CD247: variants seen among roughly 807,000 people sequenced by gnomAD.
CD247 encodes the protein CD247 molecule, also known as T-cell surface glycoprotein CD3 zeta chain.
Under a neutral mutation model 30.0 loss-of-function variants are expected in CD247, and 13 were observed. The observed-to-expected ratio is 0.43, with a 90% CI of 0.28 to 0.69. The LOEUF is 0.69. Among genes scored for constraint, CD247 ranks in the 30% least tolerant of loss-of-function variants. The pLI is 0.16. For synonymous variants in CD247, 72 were observed against 80.0 expected, an observed-to-expected ratio of 0.90 and a Z score of 0.53; for missense variants, 193 against 212.6, an observed-to-expected ratio of 0.91 and a Z score of 0.57.
chr1:167,488,438 G>T (rs1654306039), intron 1 of CD247, among the ~76,000 whole-genome samples: 1 of 152,164 alleles, frequency 6.6e-6, no homozygotes. Flanking sequence ...CAGAGTAGGG[G>T]GTCAATGGAT....
chr1:167,501,808 G>T (rs749812486), intron 1 of CD247, among the ~76,000 whole-genome samples: 2 of 152,188 alleles, frequency 1.3e-5, no homozygotes, highest in Non-Finnish European at 2.9e-5. Flanking sequence ...CTCTTCTCAG[G>T]GTCCGTATGC....
chr1:167,458,275 C>T (rs1297864096), intron 1 of CD247, among the ~76,000 whole-genome samples: 2 of 152,244 alleles, frequency 1.3e-5, no homozygotes, highest in East Asian at 3.8e-4. Context: ...TCCCTGCTGT[C>T]CCCACGTGCC....
intron 1 of CD247, among the ~76,000 whole-genome samples, chr1:167,458,925 C>A (rs1283907795): frequency 6.6e-6 from 1 of 151,260 alleles, no homozygotes; most frequent in Non-Finnish European, 1.5e-5. Context: ...GAGTTCGAGA[C>A]CAGCCTGGCC....
intron 1 of CD247, among the ~76,000 whole-genome samples, chr1:167,480,374 A>G (rs1246466258): frequency 6.6e-6 from 1 of 152,212 alleles, no homozygotes; most frequent in Non-Finnish European, 1.5e-5. Flanking sequence ...TAATACACCA[A>G]GAAAAACTGA....
At chr1:167,446,357 T>A (rs1450775789) in intron 1 of CD247, among the ~76,000 whole-genome samples, 1 of 152,140 alleles carries the variant, frequency 6.6e-6, no homozygotes, top group Non-Finnish European at 1.5e-5. Flanking sequence ...GCAAAGAACA[T>A]AATAAGTCTT....
chr1:167,475,555 TG>T (rs570697624), intron 1 of CD247, among the ~76,000 whole-genome samples: 1 of 152,206 alleles, frequency 6.6e-6, no homozygotes, highest in Non-Finnish European at 1.5e-5. Flanking sequence ...CAGTGGCTTT[TG>T]GTGTCACCAA....
chr1:167,465,078 C>G (rs1306281042), intron 1 of CD247, among the ~76,000 whole-genome samples: 1 of 152,132 alleles, frequency 6.6e-6, no homozygotes, highest in Non-Finnish European at 1.5e-5. Flanking sequence ...AATACTCAAT[C>G]TTCCTGTCCA....
intron 1 of CD247, among the ~76,000 whole-genome samples, chr1:167,443,431 G>A (rs1248172774): frequency 6.6e-6 from 1 of 152,202 alleles, no homozygotes; most frequent in Non-Finnish European, 1.5e-5. Flanking sequence ...AGGCCTCTGG[G>A]GGACAAGCCA....
chr1:167,444,996 G>A (rs1394500873), intron 1 of CD247, among the ~76,000 whole-genome samples: 1 of 151,664 alleles, frequency 6.6e-6, no homozygotes, highest in African/African-American at 2.4e-5. Flanking sequence ...CATGACCTCA[G>A]CTCACTGCAA....
Position 167,453,464 on chromosome 1 carries a change from T to C in CD247, c.59-12697A>G, listed in dbSNP as rs189189891. On this transcript the variant is annotated intron_variant, in intron 1 of 7. Coordinates refer to ENST00000362089, the MANE Select transcript of CD247 (RefSeq NM_198053.3). Reference sequence around the variant, plus strand: ...AAAAATCTACTTTCGAGCAAACCCCTTATGTCAAAATTCCAGGCAGTATTT... The same window carrying C: ...AAAAATCTACTTTCGAGCAAACCCCCTATGTCAAAATTCCAGGCAGTATTT... Among the ~76,000 whole-genome samples, 1,040 of 152,332 alleles carry C rather than the reference T, an allele frequency of 6.8e-3. 6 individuals are homozygous for C. Among genetic ancestry groups the C allele is most frequent in the Non-Finnish European group, 0.01 (693 of 68,022 alleles).
intron 1 of CD247, among the ~76,000 whole-genome samples, chr1:167,483,629 G>C (rs1654068436): frequency 6.6e-6 from 1 of 152,232 alleles, no homozygotes; most frequent in South Asian, 2.1e-4. Context: ...GGCTCAGAGA[G>C]ATTAACTTAC....
chr1:167,473,126 C>CA (rs1558014513), intron 1 of CD247, among the ~76,000 whole-genome samples: 4 of 150,960 alleles, frequency 2.6e-5, no homozygotes, highest in East Asian at 3.9e-4. Context: ...CACACACACA[C>CA]CCATCTGTAG....
chr1:167,498,273 T>C (rs1021626216), intron 1 of CD247, among the ~76,000 whole-genome samples: 2 of 152,224 alleles, frequency 1.3e-5, no homozygotes, highest in African/African-American at 2.4e-5. Context: ...CAACAATGCC[T>C]TGACATCCTT....
chr1:167,480,315 A>G (rs976542470), intron 1 of CD247, among the ~76,000 whole-genome samples: 1 of 152,206 alleles, frequency 6.6e-6, no homozygotes, highest in Non-Finnish European at 1.5e-5. Context: ...TAAAAAGAAT[A>G]GGGTTAATTT....
At chr1:167,502,045 C>T (rs1428765943) in intron 1 of CD247, among the ~76,000 whole-genome samples, 1 of 152,188 alleles carries the variant, frequency 6.6e-6, no homozygotes, top group Admixed American at 6.5e-5. Flanking sequence ...TTCCATCTTC[C>T]GGAGATAAGG....
intron 1 of CD247, among the ~76,000 whole-genome samples, chr1:167,471,819 TTCTG>T (rs1653537661): frequency 6.7e-6 from 1 of 149,976 alleles, no homozygotes; most frequent in Non-Finnish European, 1.5e-5. Context: ...TTTTTTTTCT[TTCTG>T]TTTCTTTCTT....
chr1:167,431,681 T>C lies in CD247; in HGVS notation c.495A>G (p.Ter165=). 6.2e-7 allele frequency: 1 copy of C among 1,612,896 alleles called. No homozygotes were observed. Among genetic ancestry groups the C allele is most frequent in the South Asian group, 1.1e-5 (1 of 91,052 alleles). ...ALHMQALPPR[*] ...TTTGAGTGGTGAAATCCCCTGGCTG[T>C]TAGCGAGGGGGCAGGGCCTGCATGT... Residue 165 remains the stop codon, a stop_retained_variant, in exon 8 of 8, where the codon TAA becomes TAG. Coordinates refer to ENST00000362089, the MANE Select transcript of CD247 (RefSeq NM_198053.3).
chr1:167,442,925 G>A (rs966270076), intron 1 of CD247, among the ~76,000 whole-genome samples: 12 of 152,196 alleles, frequency 7.9e-5, no homozygotes, highest in African/African-American at 1.9e-4. Context: ...GTCCAGGCCT[G>A]AAAAGACCAC....
intron 2 of CD247, chr1:167,439,723 A>G: frequency 5.0e-6 from 2 of 396,404 alleles, no homozygotes; most frequent in South Asian, 2.6e-5. Context: ...CCCCGGGGAC[A>G]TGAGTATTCT....
Sources: allele counts gnomAD v4.1 joint callset (sites outside exome capture counted in the v4.1 genomes callset), GRCh38; gene constraint gnomAD v4.1.1; transcripts MANE v1.5; gene names NCBI Gene and HGNC (gene_info 2026-07-23, HGNC 2026-07-21).